HOPX: variants seen among roughly 807,000 people sequenced by gnomAD.
HOPX encodes HOP homeobox.
Under a neutral mutation model 11.8 loss-of-function variants are expected in HOPX, and 5 were observed. That is an observed-to-expected ratio of 0.43 (90% CI 0.22 to 0.89). The LOEUF (loss-of-function observed/expected upper bound fraction) is 0.89. Among genes scored for constraint, HOPX ranks in the 40% least tolerant of loss-of-function variants. HOPX has a pLI of 0.28. For synonymous variants in HOPX, 49 were observed against 49.7 expected (o/e 0.99, Z 0.06); for missense variants, 119 against 120.0 (o/e 0.99, Z 0.04).
chr4:56,670,038 A>G (rs1359518639), intron 1 of HOPX, among the ~76,000 whole-genome samples: 1 of 152,220 alleles, frequency 6.6e-6, no homozygotes, highest in East Asian at 1.9e-4. Context: ...TTGAATATGT[A>G]GGATAGGAAT....
At chr4:56,650,066 T>C (rs1717012338) in intron 3 of HOPX, 1 of 154,088 alleles carries the variant, frequency 6.5e-6, no homozygotes, top group South Asian at 2.0e-4. Flanking sequence ...CACTGGTGTG[T>C]AGGCAGGCTG....
Position 56,667,461 on chromosome 4 carries a change from C to T in HOPX, c.-83-9562G>A, listed in dbSNP as rs573049758. On this transcript the variant is annotated intron_variant, in intron 1 of 3. Transcript: ENST00000420433. ...TTTTTTCTCTGTTTATATTTGATCA[C>T]AGGACTGACTCTGTTGGAGATGTAA... 3.5e-4 allele frequency among the ~76,000 whole-genome samples: 54 copies of T among 152,170 alleles called. No homozygotes were observed. In the South Asian group the frequency reaches 8.5e-3, roughly 24 times the overall value.
intron 3 of HOPX, chr4:56,650,845 G>A (rs772548526): frequency 4.6e-6 from 7 of 1,512,646 alleles, no homozygotes; most frequent in South Asian, 1.3e-5. Flanking sequence ...TGTAACTTTG[G>A]CAGCTTCAAT....
chr4:56,667,777 C>A lies in HOPX; in HGVS notation c.-83-9878G>T, dbSNP rs560806226. On this transcript the variant is annotated intron_variant, in intron 1 of 3. Coordinates refer to ENST00000420433, the MANE Select transcript of HOPX (RefSeq NM_032495.6). ...CCTAACAGACCTGCATTTTGCTAAT[C>A]CCTAATAGCAGCAGTGATACCTAGG... is the stretch of plus-strand genomic sequence containing the variant. Among the ~76,000 whole-genome samples, 141 of 152,256 alleles carry A rather than the reference C, an allele frequency of 9.3e-4. No individual in the cohort carries two copies. The Middle Eastern group carries it at 0.01, about 11-fold the overall frequency.
At chr4:56,671,930 C>T (rs988303332) in intron 1 of HOPX, among the ~76,000 whole-genome samples, 1 of 152,064 alleles carries the variant, frequency 6.6e-6, no homozygotes, top group South Asian at 2.1e-4. Flanking sequence ...TAACCTGCCC[C>T]ACCTGTCACA....
intron 2 of HOPX, among the ~76,000 whole-genome samples, chr4:56,657,277 CTG>C (rs1717812942): frequency 6.6e-6 from 1 of 152,212 alleles, no homozygotes; most frequent in South Asian, 2.1e-4. Context: ...CAGGACTTGA[CTG>C]TCGCTGACAG....
intron 3 of HOPX, among the ~76,000 whole-genome samples, chr4:56,654,299 C>T (rs139108593): frequency 6.6e-5 from 10 of 152,324 alleles, no homozygotes; most frequent in East Asian, 3.9e-4. Flanking sequence ...CAAAGGTCAA[C>T]GTAATTATGC....
chr4:56,651,368 A>T (rs1439205880), intron 3 of HOPX, among the ~76,000 whole-genome samples: 2 of 152,058 alleles, frequency 1.3e-5, no homozygotes, highest in Admixed American at 6.6e-5. Context: ...TAGCAAAACC[A>T]GTTGCAATCC....
chr4:56,681,676 G>T, upstream of HOPX: 10 of 999,926 alleles, frequency 1.0e-5, no homozygotes, highest in Non-Finnish European at 1.2e-5. Flanking sequence ...CCAGTTAGAT[G>T]TTGCCTCATT....
intron 1 of HOPX, among the ~76,000 whole-genome samples, chr4:56,674,171 A>T (rs1718883541): frequency 6.6e-6 from 1 of 151,672 alleles, no homozygotes; most frequent in East Asian, 1.9e-4. Context: ...AGTTCCAGCC[A>T]TCTCCAAAGA....
intron 1 of HOPX, chr4:56,665,002 G>C (rs1718354552): frequency 6.6e-6 from 1 of 152,284 alleles, no homozygotes; most frequent in Non-Finnish European, 1.5e-5. Flanking sequence ...TGTCACCCAG[G>C]CTGGAATGCA....
chr4:56,655,291 T>A (rs1023230737), intron 3 of HOPX, among the ~76,000 whole-genome samples: 4 of 152,036 alleles, frequency 2.6e-5, no homozygotes, highest in African/African-American at 7.2e-5. Context: ...GACGCTGCAG[T>A]GTGATGTGGT....
At chr4:56,653,408 G>A (rs567753051) in intron 3 of HOPX, among the ~76,000 whole-genome samples, 2 of 152,212 alleles carry the variant, frequency 1.3e-5, no homozygotes, top group South Asian at 4.1e-4. Flanking sequence ...AATGTTGTTT[G>A]AGAAGATGAA....
intron 1 of HOPX, among the ~76,000 whole-genome samples, chr4:56,658,580 T>C (rs1717924073): frequency 6.6e-6 from 1 of 152,244 alleles, no homozygotes; most frequent in African/African-American, 2.4e-5. Context: ...TGACAAATGT[T>C]TGCTGTTACT....
At chr4:56,652,538 T>C (rs1258205048) in intron 3 of HOPX, among the ~76,000 whole-genome samples, 1 of 152,114 alleles carries the variant, frequency 6.6e-6, no homozygotes, top group Non-Finnish European at 1.5e-5. Context: ...CTGGCTGCGA[T>C]GGCTCATGCT....
chr4:56,678,971 T>C (rs762854697), intron 1 of HOPX: 2 of 152,182 alleles, frequency 1.3e-5, no homozygotes, highest in Non-Finnish European at 2.9e-5. Context: ...AAAAATTATA[T>C]TGTTGGTTAG....
chr4:56,673,632 C>T (rs1342203424), intron 1 of HOPX, among the ~76,000 whole-genome samples: 1 of 152,214 alleles, frequency 6.6e-6, no homozygotes, highest in African/African-American at 2.4e-5. Context: ...TGCTTTTCAA[C>T]ACCATCATTC....
At chr4:56,654,393 G>T (rs1188010615) in intron 3 of HOPX, among the ~76,000 whole-genome samples, 1 of 152,186 alleles carries the variant, frequency 6.6e-6, no homozygotes. Context: ...TTGGTGCTGT[G>T]CCCACAATAT....
rs914935249 is a variant in HOPX, at chr4:56,648,353, T to C, written c.*367A>G. The C allele has an allele frequency of 1.1e-5, 2 of 182,648 alleles. No individual in the cohort carries two copies. Among genetic ancestry groups the C allele is most frequent in the Non-Finnish European group, 2.3e-5 (2 of 88,718 alleles). 11.3% of individuals were successfully genotyped at this position (182,648 alleles called of 1,614,324 possible). A position where few individuals can be genotyped will look rare whatever the true frequency, so the allele number is the denominator to read the frequency against. ...ATGTGTTCCCTTCTCCCTCATATTA[T>C]CTTTTCAACAGAGGCCTGGATTGCT... On this transcript the variant is annotated 3_prime_UTR_variant, in exon 4 of 4. Transcript: ENST00000420433.
Sources: gnomAD v4.1 joint callset for allele counts (sites outside exome capture counted in the v4.1 genomes callset) on GRCh38, gnomAD v4.1.1 for gene constraint, MANE v1.5 for transcripts, NCBI Gene and HGNC (gene_info 2026-07-23, HGNC 2026-07-21) for gene names.